TENM4: variants seen among roughly 807,000 people sequenced by gnomAD.
TENM4 encodes teneurin-4.
In TENM4, 82 loss-of-function variants were observed where a neutral mutation model predicts 243.3. The ratio of observed to expected loss-of-function variants is 0.34; its 90% CI spans 0.28 to 0.40. TENM4 has a LOEUF of 0.40. Among genes scored for constraint, TENM4 ranks in the 10% least tolerant of loss-of-function variants. The probability of loss-of-function intolerance (pLI) is 1.00; values close to 1 mark genes in which losing one functional copy is unlikely to be tolerated. For missense variants in TENM4, 3,138 were observed against 3,673.3 expected (o/e 0.85, Z 3.77); for synonymous variants, 1,412 against 1,456.3 (o/e 0.97, Z 0.69).
At chr11:78,862,821 G>T in intron 10 of TENM4, 141 bp downstream of exon 10, 1 of 878,662 alleles carries the variant, frequency 1.1e-6, no homozygotes, top group Non-Finnish European at 1.5e-6. Context: ...CTTGACAGCT[G>T]GCGTGGAGTG....
intron 1 of TENM4, among the ~76,000 whole-genome samples, chr11:79,423,584 T>A (rs3131): frequency 6.8e-6 from 1 of 146,548 alleles, no homozygotes; most frequent in Non-Finnish European, 1.5e-5. Flanking sequence ...GGGTACAAAT[T>A]TCCAATTCAT....
chr11:78,923,812 T>C (rs1012033798), intron 6 of TENM4, among the ~76,000 whole-genome samples: 15 of 149,276 alleles, frequency 1.0e-4, no homozygotes, highest in African/African-American at 3.7e-4. Context: ...AGTGCTAGGA[T>C]TACAAGCATG....
intron 12 of TENM4, among the ~76,000 whole-genome samples, chr11:78,850,061 CTGTGTG>C (rs142162971): frequency 4.7e-5 from 7 of 149,786 alleles, no homozygotes; most frequent in Non-Finnish European, 7.4e-5. Context: ...TTTCAGTGCT[CTGTGTG>C]TGTGTGTGTG....
chr11:79,176,959 C>T (rs1289758380), intron 3 of TENM4, among the ~76,000 whole-genome samples: 2 of 152,080 alleles, frequency 1.3e-5, no homozygotes, highest in Non-Finnish European at 2.9e-5. Flanking sequence ...GATAACATTG[C>T]TTTTACCTCT....
At chr11:79,003,250 T>A (rs191622039) in intron 6 of TENM4, among the ~76,000 whole-genome samples, 49 of 152,024 alleles carry the variant, frequency 3.2e-4, no homozygotes, top group Middle Eastern at 3.4e-3. Context: ...CCAGGAAAAT[T>A]TCCCCAACCT....
intron 5 of TENM4, among the ~76,000 whole-genome samples, chr11:79,066,358 C>A (rs1009275039): frequency 6.6e-6 from 1 of 152,124 alleles, no homozygotes; most frequent in African/African-American, 2.4e-5. Context: ...GACAAGCCTG[C>A]AAAGGAAAGC....
At chr11:79,257,655 A>T (rs1355422590) in intron 2 of TENM4, among the ~76,000 whole-genome samples, 2 of 152,208 alleles carry the variant, frequency 1.3e-5, no homozygotes. Context: ...ACCATCTGCC[A>T]GGGAGGTTGA....
intron 16 of TENM4, among the ~76,000 whole-genome samples, chr11:78,780,131 A>G (rs966379261): frequency 5.9e-5 from 9 of 152,204 alleles, no homozygotes; most frequent in Non-Finnish European, 1.3e-4. Flanking sequence ...CATGAAAGAG[A>G]GTACTTATTA....
intron 6 of TENM4, among the ~76,000 whole-genome samples, chr11:78,944,831 C>T (rs1223237095): frequency 3.9e-5 from 6 of 152,120 alleles, no homozygotes; most frequent in Admixed American, 2.6e-4. Flanking sequence ...CAGATGAAAC[C>T]ACTGAGGCTC....
At chr11:78,919,779 G>T (rs559033071) in intron 6 of TENM4, among the ~76,000 whole-genome samples, 1 of 152,142 alleles carries the variant, frequency 6.6e-6, no homozygotes, top group East Asian at 1.9e-4. Context: ...GTTGGAGTTG[G>T]GTTTCCATCC....
intron 12 of TENM4, among the ~76,000 whole-genome samples, chr11:78,837,929 T>A (rs1411541607): frequency 1.3e-5 from 2 of 152,204 alleles, no homozygotes; most frequent in African/African-American, 4.8e-5. Context: ...CAGCTTTTCC[T>A]AGGTACTGGT....
At chr11:79,228,246 C>G (rs1864307970) in intron 2 of TENM4, among the ~76,000 whole-genome samples, 1 of 152,204 alleles carries the variant, frequency 6.6e-6, no homozygotes, top group African/African-American at 2.4e-5. Context: ...GTCAGCTTCC[C>G]ACTGTCAGAA....
rs71050221 is a variant in TENM4, at chr11:79,400,099, C to CCACACACACA, written c.-321+40400_-321+40409dup. ...TACCTGGGAGACACATAAACACACACCACACACACACACACACACACACAC... is the reference window on the plus strand; with the variant it reads ...TACCTGGGAGACACATAAACACACACCACACACACACACACACACACACACACACACACAC... On this transcript the variant is annotated intron_variant, in intron 1 of 33. Transcript: ENST00000278550. 5.5e-3 allele frequency among the ~76,000 whole-genome samples: 775 copies of CCACACACACA among 140,658 alleles called. 9 individuals carry two copies. The highest frequency in any genetic ancestry group is 8.5e-3 in the East Asian group (39 of 4,588). 92.3% of individuals were successfully genotyped at this position (140,658 alleles called of 152,430 possible). A position where few individuals can be genotyped will look rare whatever the true frequency, so the allele number is the denominator to read the frequency against.
At chr11:79,259,688 TCCATCCATCCATCCATGCACAC>T (rs1280293558) in intron 2 of TENM4, among the ~76,000 whole-genome samples, 39 of 147,930 alleles carry the variant, frequency 2.6e-4, no homozygotes, top group African/African-American at 9.3e-4. Flanking sequence ...CATCCATCCA[TCCATCCATCCATCCATGCACAC>T]CCATCCATCC....
At chr11:79,154,032 C>G (rs554214984) in intron 3 of TENM4, among the ~76,000 whole-genome samples, 1 of 152,114 alleles carries the variant, frequency 6.6e-6, no homozygotes, top group Non-Finnish European at 1.5e-5. Context: ...AGTGCAAAAA[C>G]CTGAAGGCTT....
At chr11:78,880,457 T>TAAAAAAAAAAAAAAAAAAAAAAAAAAA (rs71763484) in intron 9 of TENM4, among the ~76,000 whole-genome samples, 1 of 104,646 alleles carries the variant, frequency 9.6e-6, no homozygotes, top group African/African-American at 6.8e-5. Context: ...CAATAAATAC[T>TAAAAAAAAAAAAAAAAAAAAAAAAAAA]AAAAAAAAAA....
At chr11:79,325,501 T>C (rs1856958781) in intron 1 of TENM4, among the ~76,000 whole-genome samples, 1 of 152,208 alleles carries the variant, frequency 6.6e-6, no homozygotes, top group South Asian at 2.1e-4. Context: ...CACCAGTTAC[T>C]AGCTGTGTGA....
intron 6 of TENM4, among the ~76,000 whole-genome samples, chr11:79,003,832 G>A (rs1299776392): frequency 6.6e-6 from 1 of 151,890 alleles, no homozygotes; most frequent in Non-Finnish European, 1.5e-5. Flanking sequence ...GATCAAATCT[G>A]CACATATCAA....
chr11:78,878,589 C>A (rs1036353434), intron 9 of TENM4, among the ~76,000 whole-genome samples: 2 of 152,122 alleles, frequency 1.3e-5, no homozygotes, highest in South Asian at 4.1e-4. Context: ...GGTCTCAGAG[C>A]CACTTGTGAC....
Sources: allele counts gnomAD v4.1 joint callset (sites outside exome capture counted in the v4.1 genomes callset), GRCh38; gene constraint gnomAD v4.1.1; transcripts MANE v1.5; gene names NCBI Gene and HGNC (gene_info 2026-07-23, HGNC 2026-07-21).